Variants in SPAG16 observed in about 807,000 individuals in gnomAD.
SPAG16 encodes sperm-associated antigen 16 protein.
In SPAG16, 86 loss-of-function variants were observed where a neutral mutation model predicts 80.4. The ratio of observed to expected loss-of-function variants is 1.07; its 90% CI spans 0.90 to 1.28. The LOEUF is 1.28. Ranked by LOEUF, SPAG16 falls within the 50% of genes most tolerant of loss-of-function variation. SPAG16 has a pLI of 0.00. For synonymous variants in SPAG16, 294 were observed against 265.9 expected (o/e 1.11, Z -1.03); for missense variants, 870 against 765.3 (o/e 1.14, Z -1.61).
intron 15 of SPAG16, among the ~76,000 whole-genome samples, chr2:214,221,243 C>T (rs986705504): frequency 6.6e-6 from 1 of 152,022 alleles, no homozygotes; most frequent in Admixed American, 6.6e-5. Flanking sequence ...CACAGTATTT[C>T]AAGTATTTTG....
At chr2:213,972,399 A>G (rs1280404477) in intron 12 of SPAG16, among the ~76,000 whole-genome samples, 1 of 152,172 alleles carries the variant, frequency 6.6e-6, no homozygotes, top group African/African-American at 2.4e-5. Flanking sequence ...AGGCACAGAA[A>G]AGATGTTGGT....
chr2:213,895,950 C>T (rs373900438), intron 11 of SPAG16, among the ~76,000 whole-genome samples: 65 of 151,814 alleles, frequency 4.3e-4, no homozygotes, highest in African/African-American at 1.5e-3. Context: ...AAAGAAAAAC[C>T]AGGATTATAT....
intron 9 of SPAG16, among the ~76,000 whole-genome samples, chr2:213,485,695 G>A (rs1242064701): frequency 3.9e-5 from 6 of 152,066 alleles, no homozygotes; most frequent in African/African-American, 2.4e-5. Flanking sequence ...TTGACAGAAT[G>A]CCTGATTGAA....
At chr2:214,217,241 A>G (rs985069002) in intron 15 of SPAG16, among the ~76,000 whole-genome samples, 1 of 152,254 alleles carries the variant, frequency 6.6e-6, no homozygotes, top group Non-Finnish European at 1.5e-5. Flanking sequence ...TAAAAATCCA[A>G]TTATTCCAAT....
chr2:213,502,194 G>A (rs1487505535), intron 10 of SPAG16, among the ~76,000 whole-genome samples: 2 of 152,130 alleles, frequency 1.3e-5, no homozygotes, highest in Non-Finnish European at 2.9e-5. Context: ...GGCATGAAGA[G>A]GGCTCAGTGC....
intron 10 of SPAG16, among the ~76,000 whole-genome samples, chr2:213,659,458 A>C (rs2063340913): frequency 6.6e-6 from 1 of 152,162 alleles, no homozygotes; most frequent in East Asian, 1.9e-4. Flanking sequence ...AATTGCAATT[A>C]TAAAGTTAGG....
chr2:213,931,525 T>C (rs1258779333), intron 12 of SPAG16, among the ~76,000 whole-genome samples: 1 of 152,214 alleles, frequency 6.6e-6, no homozygotes, highest in African/African-American at 2.4e-5. Flanking sequence ...GTATCACTTT[T>C]GACTTGGTTG....
intron 14 of SPAG16, among the ~76,000 whole-genome samples, chr2:214,133,665 T>C (rs1559831403): frequency 6.6e-6 from 1 of 151,700 alleles, no homozygotes; most frequent in Non-Finnish European, 1.5e-5. Flanking sequence ...TCAAAAATAA[T>C]AATAAAATAA....
chr2:214,365,767 G>T (rs1232589310), intron 15 of SPAG16, among the ~76,000 whole-genome samples: 3 of 152,004 alleles, frequency 2.0e-5, no homozygotes, highest in African/African-American at 7.2e-5. Flanking sequence ...AACTTTATTA[G>T]TCTGTCGTAT....
intron 12 of SPAG16, among the ~76,000 whole-genome samples, chr2:213,957,677 G>A (rs1261435886): frequency 6.6e-6 from 1 of 151,718 alleles, no homozygotes; most frequent in South Asian, 2.1e-4. Flanking sequence ...TTTATTTCCA[G>A]CATTACTGTC....
intron 10 of SPAG16, among the ~76,000 whole-genome samples, chr2:213,614,495 T>A (rs2061533894): frequency 6.6e-6 from 1 of 152,192 alleles, no homozygotes; most frequent in Non-Finnish European, 1.5e-5. Context: ...TTATTGCAGA[T>A]ACCTGGCCCT....
chr2:213,638,546 A>G (rs577770931), intron 10 of SPAG16, among the ~76,000 whole-genome samples: 1 of 152,156 alleles, frequency 6.6e-6, no homozygotes, highest in Admixed American at 6.5e-5. Context: ...ATGTATTTTC[A>G]TGATTTTGAG....
chr2:214,393,663 G>A (rs10191874), intron 15 of SPAG16, among the ~76,000 whole-genome samples: 96,585 of 151,822 alleles, frequency 0.64, 33,172 homozygotes, highest in South Asian at 0.77. Flanking sequence ...TCTCTTTTGC[G>A]TTTGATTGGA....
intron 11 of SPAG16, among the ~76,000 whole-genome samples, chr2:213,870,385 A>G (rs1455135734): frequency 1.3e-5 from 2 of 152,160 alleles, no homozygotes; most frequent in African/African-American, 4.8e-5. Context: ...TATCCTCTGA[A>G]TTTATGTATT....
intron 15 of SPAG16, among the ~76,000 whole-genome samples, chr2:214,335,727 A>G (rs534891638): frequency 1.5e-3 from 216 of 146,672 alleles, no homozygotes; most frequent in Middle Eastern, 0.011. Context: ...GATATCAACC[A>G]TATGTCTATT....
chr2:214,121,740 A>G (rs565760837), intron 14 of SPAG16, among the ~76,000 whole-genome samples: 1 of 151,866 alleles, frequency 6.6e-6, no homozygotes, highest in African/African-American at 2.4e-5. Context: ...AACACCTGAC[A>G]CCTTTGCTTT....
At chr2:213,696,064 G>A (rs1488051338) in intron 10 of SPAG16, among the ~76,000 whole-genome samples, 1 of 152,166 alleles carries the variant, frequency 6.6e-6, no homozygotes, top group Non-Finnish European at 1.5e-5. Flanking sequence ...ATGGTTGACA[G>A]ATTAAGAGTA....
chr2:213,509,691 A>T (rs113522863), intron 10 of SPAG16, among the ~76,000 whole-genome samples: 9 of 152,316 alleles, frequency 5.9e-5, no homozygotes, highest in African/African-American at 2.2e-4. Context: ...AATTTATAGC[A>T]CTAAATGCCC....
intron 10 of SPAG16, among the ~76,000 whole-genome samples, chr2:213,794,743 G>A (rs1043390136): frequency 7.1e-6 from 1 of 140,120 alleles, no homozygotes; most frequent in African/African-American, 2.5e-5. Context: ...ATAACTCTTC[G>A]AAAAATACAC....
Sources: allele counts gnomAD v4.1 joint callset (sites outside exome capture counted in the v4.1 genomes callset), GRCh38; gene constraint gnomAD v4.1.1; transcripts MANE v1.5; gene names NCBI Gene and HGNC (gene_info 2026-07-23, HGNC 2026-07-21).